The following MAP3K7CL variants were observed in gnomAD, a reference collection of about 807,000 sequenced individuals.
MAP3K7CL encodes the protein MAP3K7 C-terminal like.
In MAP3K7CL, 16 loss-of-function variants were observed where a neutral mutation model predicts 18.6. That is an observed-to-expected ratio of 0.86 (90% CI 0.58 to 1.31). The LOEUF (loss-of-function observed/expected upper bound fraction) is 1.31, where lower values mean the gene tolerates loss of function less well. Ranked by LOEUF, MAP3K7CL falls within the 50% of genes most tolerant of loss-of-function variation. The pLI, the probability that MAP3K7CL is intolerant of heterozygous loss-of-function variation, is 0.00. For missense variants in MAP3K7CL, 163 were observed against 174.4 expected (o/e 0.93, Z 0.37); for synonymous variants, 65 against 66.8 (o/e 0.97, Z 0.13).
chr21:29,166,722 A>G (rs1200831300), intron 4 of MAP3K7CL, among the ~76,000 whole-genome samples: 1 of 152,234 alleles, frequency 6.6e-6, no homozygotes, highest in East Asian at 1.9e-4. Context: ...TCCACTTTGT[A>G]TCATGCATCA....
In MAP3K7CL at chr21:29,158,447, A is replaced by G. The variant is rs367839505; in HGVS notation, c.133-1494A>G. On this transcript the variant is annotated intron_variant, in intron 3 of 4. Coordinates refer to ENST00000399928, the MANE Select transcript of MAP3K7CL (RefSeq NM_001286620.2). ...TAATATGATTATTATGAGATTTTCCATGAACTGGGACATAACAGATGTTCC... is the reference window on the plus strand; with the variant it reads ...TAATATGATTATTATGAGATTTTCCGTGAACTGGGACATAACAGATGTTCC... Among the ~76,000 whole-genome samples, 9 of 152,370 alleles carry G rather than the reference A, an allele frequency of 5.9e-5. No individual in the cohort carries two copies. The South Asian group carries it at 1.2e-3, about 21-fold the overall frequency.
upstream of MAP3K7CL, chr21:29,085,044 T>C (rs529109010): frequency 2.0e-4 from 31 of 152,352 alleles, no homozygotes; most frequent in African/African-American, 7.2e-4. Flanking sequence ...AATGCCTGTC[T>C]CTAAGCCCAT....
intron 3 of MAP3K7CL, among the ~76,000 whole-genome samples, chr21:29,152,791 T>C (rs1056938709): frequency 6.6e-5 from 10 of 152,244 alleles, no homozygotes; most frequent in Non-Finnish European, 1.2e-4. Flanking sequence ...AATTTTGGTC[T>C]AAATACATTT....
chr21:29,117,320 T>G (rs998670972), intron 4 of MAP3K7CL, among the ~76,000 whole-genome samples: 1 of 152,246 alleles, frequency 6.6e-6, no homozygotes, highest in Non-Finnish European at 1.5e-5. Context: ...CTGATGGACT[T>G]AACAATGCTA....
chr21:29,078,354 T>G (rs1368775888), intron 1 of MAP3K7CL, among the ~76,000 whole-genome samples: 1 of 152,230 alleles, frequency 6.6e-6, no homozygotes, highest in African/African-American at 2.4e-5. Context: ...TTTTCTCTTT[T>G]AATCGAATTT....
At chr21:29,077,874 G>T (rs1234849865) in intron 1 of MAP3K7CL, among the ~76,000 whole-genome samples, 5 of 152,228 alleles carry the variant, frequency 3.3e-5, no homozygotes, top group Non-Finnish European at 7.3e-5. Flanking sequence ...GTTAGGTGCT[G>T]CCTGAAAACA....
At chr21:29,088,299 C>G (rs192378289) in intron 1 of MAP3K7CL, among the ~76,000 whole-genome samples, 1 of 152,084 alleles carries the variant, frequency 6.6e-6, no homozygotes, top group Non-Finnish European at 1.5e-5. Flanking sequence ...TAAGAAAAAG[C>G]AAATAATAAA....
chr21:29,170,278 C>T (rs371653809), intron 4 of MAP3K7CL, among the ~76,000 whole-genome samples: 151 of 152,276 alleles, frequency 9.9e-4, no homozygotes, highest in African/African-American at 3.2e-3. Flanking sequence ...GAAACATATC[C>T]GCTGAGTCTT....
chr21:29,118,368 G>GTGTCTTAACTTTTCTCCA (rs375218312), intron 4 of MAP3K7CL, among the ~76,000 whole-genome samples: 2,912 of 40,792 alleles, frequency 0.071, 114 homozygotes, highest in African/African-American at 0.19. Flanking sequence ...TTTTCTCCAT[G>GTGTCTTAACTTTTCTCCA]TGTGTCCCTG....
exon 3 of MAP3K7CL, chr21:29,091,706 C>T (rs774493470): frequency 2.7e-5 from 19 of 702,202 alleles, no homozygotes; most frequent in South Asian, 2.5e-4. Context: ...TGGTCTTGAA[C>T]ACCTGGCTTC....
chr21:29,109,281 T>C (rs1301443291), intron 4 of MAP3K7CL: 7 of 1,507,478 alleles, frequency 4.6e-6, no homozygotes, highest in African/African-American at 2.8e-5. Flanking sequence ...GTGTGTGTAA[T>C]GCTTATTTTG....
chr21:29,173,511 A>G (rs187150774), intron 4 of MAP3K7CL, among the ~76,000 whole-genome samples: 5 of 152,352 alleles, frequency 3.3e-5, no homozygotes, highest in Non-Finnish European at 7.3e-5. Flanking sequence ...CATCTAGAAA[A>G]CTATGTATCT....
intron 1 of MAP3K7CL, 128 bp from the exon 2 acceptor site, chr21:29,133,178 A>T (rs376041300): frequency 1.1e-4 from 62 of 546,298 alleles, no homozygotes; most frequent in African/African-American, 9.7e-4. Context: ...CAAAACTAGG[A>T]GTATCTTTAG....
chr21:29,171,409 T>C (rs1477332830), intron 4 of MAP3K7CL, among the ~76,000 whole-genome samples: 1 of 152,210 alleles, frequency 6.6e-6, no homozygotes, highest in Non-Finnish European at 1.5e-5. Flanking sequence ...AGGCAGGCCA[T>C]TGGGTGCAGG....
intron 4 of MAP3K7CL, among the ~76,000 whole-genome samples, chr21:29,160,634 G>T (rs1241359872): frequency 6.6e-6 from 1 of 152,136 alleles, no homozygotes; most frequent in Non-Finnish European, 1.5e-5. Context: ...GATTCCGCCA[G>T]TGCCTACCCC....
At chr21:29,158,666 G>T (rs1466763245) in intron 3 of MAP3K7CL, among the ~76,000 whole-genome samples, 2 of 152,028 alleles carry the variant, frequency 1.3e-5, no homozygotes, top group Non-Finnish European at 2.9e-5. Flanking sequence ...TGTCCTTGAA[G>T]AATATAATGA....
At chr21:29,109,378 G>A in intron 4 of MAP3K7CL, 1 of 1,342,924 alleles carries the variant, frequency 7.4e-7, no homozygotes, top group Non-Finnish European at 9.5e-7. Flanking sequence ...TCAACTCCTT[G>A]AAATCAGAGA....
chr21:29,159,758 T>C (rs1329649524), intron 3 of MAP3K7CL, among the ~76,000 whole-genome samples, 183 bp from the exon 4 acceptor site: 1 of 152,086 alleles, frequency 6.6e-6, no homozygotes. Context: ...TGTCCACCTC[T>C]CTATTTTCAG....
intron 2 of MAP3K7CL, among the ~76,000 whole-genome samples, chr21:29,134,775 C>A (rs2086847565): frequency 6.6e-6 from 1 of 152,122 alleles, no homozygotes; most frequent in African/African-American, 2.4e-5. Flanking sequence ...TGCAGCCGGG[C>A]ACGGTGGCTC....
Sources: allele counts gnomAD v4.1 joint callset (sites outside exome capture counted in the v4.1 genomes callset), GRCh38; gene constraint gnomAD v4.1.1; transcripts MANE v1.5; gene names NCBI Gene and HGNC (gene_info 2026-07-23, HGNC 2026-07-21).